HECTD4: variants seen among roughly 807,000 people sequenced by gnomAD.
The protein encoded by HECTD4 is probable E3 ubiquitin-protein ligase HECTD4.
Under a neutral mutation model 471.5 loss-of-function variants are expected in HECTD4, and 114 were observed. That is an observed-to-expected ratio of 0.24 (90% confidence interval 0.21 to 0.28). The LOEUF is 0.28. Ranked by LOEUF, HECTD4 falls within the 10% of genes least tolerant of loss-of-function variation. The probability of loss-of-function intolerance (pLI) is 1.00; values close to 1 mark genes in which losing one functional copy is unlikely to be tolerated. For synonymous variants in HECTD4, 2,012 were observed against 2,256.0 expected (o/e 0.89, Z 3.07); for missense variants, 3,866 against 5,651.5 (o/e 0.68, Z 10.13).
chr12:112,187,420 T>C (rs1043437322), intron 60 of HECTD4, among the ~76,000 whole-genome samples: 1 of 151,934 alleles, frequency 6.6e-6, no homozygotes, highest in Non-Finnish European at 1.5e-5. Flanking sequence ...GATTGATTGA[T>C]TGAGACAGGG....
chr12:112,302,858 T>C (rs984170104), intron 7 of HECTD4, among the ~76,000 whole-genome samples: 1 of 152,166 alleles, frequency 6.6e-6, no homozygotes, highest in African/African-American at 2.4e-5. Context: ...GAGCTTCCTA[T>C]GTGCTGAACC....
intron 1 of HECTD4, among the ~76,000 whole-genome samples, chr12:112,366,834 C>T (rs1463722250): frequency 2.0e-5 from 3 of 146,526 alleles, no homozygotes; most frequent in Admixed American, 6.8e-5. Context: ...GAGCTGAGAT[C>T]GCGCCATTGC....
chr12:112,359,635 T>A (rs1400281429), intron 1 of HECTD4, among the ~76,000 whole-genome samples: 1 of 152,152 alleles, frequency 6.6e-6, no homozygotes, highest in East Asian at 1.9e-4. Context: ...GCCAGGCTGG[T>A]CTTCAACTTC....
intron 43 of HECTD4, 174 bp from the exon 44 acceptor site, chr12:112,226,932 A>ACTTCT (rs2033254982): frequency 6.2e-6 from 3 of 483,404 alleles, no homozygotes; most frequent in Non-Finnish European, 1.1e-5. Context: ...TATATAAATA[A>ACTTCT]CTTCTCTTTT....
At chr12:112,181,297 T>G (rs1039085240) in intron 62 of HECTD4, among the ~76,000 whole-genome samples, 4 of 152,300 alleles carry the variant, frequency 2.6e-5, no homozygotes, top group African/African-American at 9.6e-5. Context: ...ATTTAAAATT[T>G]TAACACTTTG....
chr12:112,246,777 T>G, intron 29 of HECTD4, 124 bp downstream of exon 29: 1 of 783,044 alleles, frequency 1.3e-6, no homozygotes, highest in Non-Finnish European at 1.8e-6. Flanking sequence ...AATTTCCTTT[T>G]GTTTTCCTTT....
At chr12:112,286,586 G>T (rs139119508) in intron 7 of HECTD4, among the ~76,000 whole-genome samples, 1,843 of 152,146 alleles carry the variant, frequency 0.012, 28 homozygotes, top group South Asian at 0.04. Flanking sequence ...CTGCTACAAG[G>T]GAGACTGAGG....
intron 50 of HECTD4, 144 bp downstream of exon 50, chr12:112,209,871 G>T: frequency 1.5e-6 from 1 of 668,828 alleles, no homozygotes. Flanking sequence ...CTTTCACCAG[G>T]CCTGTGACCC....
At chr12:112,240,176 C>T (rs1428918254) in intron 32 of HECTD4, 149 bp from the exon 33 acceptor site, 1 of 802,238 alleles carries the variant, frequency 1.2e-6, no homozygotes, top group Non-Finnish European at 1.9e-6. Flanking sequence ...GTTTCCTAGA[C>T]TATGCAAGAC....
In HECTD4 at chr12:112,213,818, T is replaced by A. The variant is rs1238201616; in HGVS notation, c.7466-1168A>T. 2.6e-5 allele frequency among the ~76,000 whole-genome samples: 4 copies of A among 151,276 alleles called. No individual in the cohort carries two copies. Among genetic ancestry groups the A allele is most frequent in the African/African-American group, 9.7e-5 (4 of 41,190 alleles). On this transcript the variant is annotated intron_variant, in intron 48 of 75. Transcript: ENST00000682272. This position sits in a 1 kb window ranked among gnomAD's most constrained non-coding sequence, Gnocchi z 4.0. The stretch of plus-strand genomic sequence containing the variant: ...GGGAAGATTGCTTGAGCCCAGGAGT[T>A]CAAGACCAGCCTAGGCAACACAGTG...
rs775162021 is a variant in HECTD4 at position 112,235,645 on chromosome 12, C to T, written c.5584G>A (p.Val1862Ile). Residue 1862 changes from valine to isoleucine, a missense_variant, in exon 36 of 76, where the codon GTA (valine) becomes ATA (isoleucine). Physicochemically the swap from Val to Ile is conservative, Grantham distance 29. Coordinates refer to ENST00000682272, the MANE Select transcript of HECTD4 (RefSeq NM_001388303.1). This position sits in a 1 kb window ranked among gnomAD's most constrained non-coding sequence, Gnocchi z 5.0. ...AGCTCCACGTTTCCACAGTCTTCTA[C>T]GCTCATCAGGGGCAGCGCCGCCCGG... Reference protein sequence around the residue: ...LCRAALPLMSVEDCGNVELPP... With the variant: ...LCRAALPLMSIEDCGNVELPP... The T allele has an allele frequency of 1.5e-5, 24 of 1,614,020 alleles. No individual in the cohort carries two copies. Among genetic ancestry groups the T allele is most frequent in the African/African-American group, 2.7e-5 (2 of 75,058 alleles).
At chr12:112,367,105 C>T (rs1365701586) in intron 1 of HECTD4, among the ~76,000 whole-genome samples, 10 of 150,466 alleles carry the variant, frequency 6.6e-5, no homozygotes, top group Admixed American at 4.6e-4. Context: ...AGTACGAGAC[C>T]CGTCTGGCCA....
chr12:112,359,842 T>G (rs538074457), intron 1 of HECTD4, among the ~76,000 whole-genome samples: 1 of 152,224 alleles, frequency 6.6e-6, no homozygotes, highest in East Asian at 1.9e-4. Context: ...CTTCCCAAAG[T>G]GCTGAGACTA....
In HECTD4 at chr12:112,208,004, G is replaced by C. The variant is rs368296539; in HGVS notation, c.8005-4C>G. 4.3e-6 allele frequency: 7 copies of C among 1,612,152 alleles called. No homozygotes were observed. The highest frequency in any genetic ancestry group is 5.9e-6 in the Non-Finnish European group (7 of 1,179,110). On this transcript the variant is annotated splice_polypyrimidine_tract_variant and splice_region_variant and intron_variant, in intron 51 of 75. Transcript: ENST00000682272. ...CCAGCAGGGCGTAGTGGTCCTCCTG[G>C]AAGCAGAAGGAACCTCATGAACAGA... is the stretch of plus-strand genomic sequence containing the variant.
intron 2 of HECTD4, among the ~76,000 whole-genome samples, chr12:112,316,728 G>A (rs2035488054): frequency 6.6e-6 from 1 of 151,964 alleles, no homozygotes; most frequent in African/African-American, 2.4e-5. Flanking sequence ...CTTTGTCTTT[G>A]AGAGCATCAA....
intron 69 of HECTD4, 28 bp downstream of exon 69, chr12:112,170,305 A>AT (rs1365495633): frequency 2.5e-6 from 4 of 1,611,900 alleles, no homozygotes; most frequent in Admixed American, 3.3e-5. Flanking sequence ...GCCATTTTGC[A>AT]TTTTTTGCTC....
rs1193221840 is a variant in HECTD4, at chr12:112,198,175, T to G, written c.8567+2463A>C. On this transcript the variant is annotated intron_variant, in intron 55 of 75. Transcript: ENST00000682272. ...TAACAAACAAGCAAAATAACAGCAG[T>G]AAAAACATCAGGTCCTGGGAGAGCA... Among the ~76,000 whole-genome samples the G allele has an allele frequency of 2.6e-5, 4 of 152,146 alleles. No individual in the cohort carries two copies. The East Asian group carries it at 7.7e-4, about 29-fold the overall frequency.
At chr12:112,253,967 A>T in intron 22 of HECTD4, 76 bp downstream of exon 22, 2 of 1,511,988 alleles carry the variant, frequency 1.3e-6, no homozygotes, top group Non-Finnish European at 9.1e-7. Context: ...TTCTGGGATT[A>T]CAGTTAGTAC....
intron 23 of HECTD4, 34 bp from the exon 24 acceptor site, chr12:112,251,168 A>G (rs1447752084): frequency 1.2e-6 from 2 of 1,601,676 alleles, no homozygotes; most frequent in African/African-American, 2.7e-5. Context: ...CACACTGGTC[A>G]GTGTACACTG....
Sources: gnomAD v4.1 joint callset for allele counts (sites outside exome capture counted in the v4.1 genomes callset) on GRCh38, gnomAD v4.1.1 for gene constraint, Gnocchi (gnomAD v3.1) non-coding constraint, MANE v1.5 for transcripts, NCBI Gene and HGNC (gene_info 2026-07-23, HGNC 2026-07-21) for gene names.